Variants in ADAMTS19 observed in about 807,000 individuals in gnomAD.
ADAMTS19 encodes the protein ADAM metallopeptidase with thrombospondin type 1 motif 19, also known as A disintegrin and metalloproteinase with thrombospondin motifs 19.
Under a neutral mutation model 153.3 loss-of-function variants are expected in ADAMTS19, and 93 were observed. That is an observed-to-expected ratio of 0.61 (90% CI 0.51 to 0.72). The LOEUF (loss-of-function observed/expected upper bound fraction) is 0.72. ADAMTS19 is among the 30% of genes least tolerant of loss of function. The probability of loss-of-function intolerance (pLI) is 0.00; values close to 1 mark genes in which losing one functional copy is unlikely to be tolerated. For synonymous variants in ADAMTS19, 600 were observed against 556.6 expected (o/e 1.08, Z -1.10); for missense variants, 1,482 against 1,552.1 (o/e 0.95, Z 0.76).
Position 129,713,960 on chromosome 5 carries a change from T to G in ADAMTS19, c.3312+9569T>G, listed in dbSNP as rs1266193769. Among the ~76,000 whole-genome samples the G allele has an allele frequency of 2.0e-5, 3 of 151,854 alleles. No homozygotes were observed. In the East Asian group the frequency reaches 5.8e-4, roughly 29 times the overall value. ...CCCCTAGCCTCAAACTCCACATTTGTAAAATGTACCAAAGTAACAACAGGT... is the reference window on the plus strand; with the variant it reads ...CCCCTAGCCTCAAACTCCACATTTGGAAAATGTACCAAAGTAACAACAGGT... On this transcript the variant is annotated intron_variant, in intron 21 of 22. Coordinates refer to ENST00000274487, the MANE Select transcript of ADAMTS19 (RefSeq NM_133638.6).
intron 15 of ADAMTS19, among the ~76,000 whole-genome samples, chr5:129,665,094 C>CTTTTT (rs1242998000): frequency 7.2e-5 from 11 of 152,064 alleles, no homozygotes; most frequent in Non-Finnish European, 1.5e-4. Flanking sequence ...TTTTCTCCGG[C>CTTTTT]TATATATTCT....
rs17163154 is a variant in ADAMTS19 at position 129,665,081 on chromosome 5, A to G, written c.2426-418A>G. Reference sequence around the variant, plus strand: ...TCCAGGGATTTAGTCCAGGCCTGCTATATTTTCTCCGGCTATATATTCTTT... The same window carrying G: ...TCCAGGGATTTAGTCCAGGCCTGCTGTATTTTCTCCGGCTATATATTCTTT... On this transcript the variant is annotated intron_variant, in intron 15 of 22. Transcript: ENST00000274487. 7.9e-3 allele frequency among the ~76,000 whole-genome samples: 1,202 copies of G among 152,198 alleles called. 16 individuals carry two copies. The highest frequency in any genetic ancestry group is 0.028 in the African/African-American group (1,148 of 41,526).
At chr5:129,735,707 C>T (rs967083996) in intron 22 of ADAMTS19, among the ~76,000 whole-genome samples, 3 of 151,768 alleles carry the variant, frequency 2.0e-5, no homozygotes, top group Non-Finnish European at 2.9e-5. Context: ...TATATATATC[C>T]TCAATTTCTG....
chr5:129,690,269 G>C (rs1175182713), intron 18 of ADAMTS19, among the ~76,000 whole-genome samples: 1 of 152,182 alleles, frequency 6.6e-6, no homozygotes, highest in Admixed American at 6.5e-5. Context: ...TCGGTGCAAA[G>C]GCACCCACGT....
intron 8 of ADAMTS19, among the ~76,000 whole-genome samples, chr5:129,601,633 T>C (rs1750654302): frequency 1.3e-5 from 2 of 152,216 alleles, no homozygotes; most frequent in East Asian, 1.9e-4. Context: ...AAAAGTCACA[T>C]AGGCCAGAGT....
chr5:129,689,215 C>T (rs948021008), intron 18 of ADAMTS19, among the ~76,000 whole-genome samples: 1 of 152,130 alleles, frequency 6.6e-6, no homozygotes, highest in Non-Finnish European at 1.5e-5. Flanking sequence ...ACATTCTTCA[C>T]ACCAGTCCAA....
At chr5:129,663,416 G>A (rs372265039) in intron 15 of ADAMTS19, among the ~76,000 whole-genome samples, 15 of 152,040 alleles carry the variant, frequency 9.9e-5, no homozygotes, top group African/African-American at 2.7e-4. Context: ...CTACTAGTGC[G>A]CTGTACCATT....
At chr5:129,522,278 C>T (rs570014160) in intron 3 of ADAMTS19, among the ~76,000 whole-genome samples, 11 of 115,506 alleles carry the variant, frequency 9.5e-5, no homozygotes, top group Non-Finnish European at 1.6e-4. Flanking sequence ...CATATGTATG[C>T]GTAGTTGTAT....
rs529370417 is a variant in ADAMTS19, at chr5:129,541,166, A to C, written c.1329-10698A>C. The stretch of plus-strand genomic sequence containing the variant: ...TACTTCTAGTGTTTCTGGATGAAAT[A>C]ACTAGATTTTTTTTTTTTTTTGTAA... On this transcript the variant is annotated intron_variant, in intron 6 of 22. Coordinates refer to ENST00000274487, the MANE Select transcript of ADAMTS19 (RefSeq NM_133638.6). Among the ~76,000 whole-genome samples the C allele has an allele frequency of 1.6e-3, 231 of 142,722 alleles. 1 individual carries two copies. Among genetic ancestry groups the C allele is most frequent in the African/African-American group, 5.7e-3 (214 of 37,512 alleles). The allele number at this position is 142,722 out of a possible 152,430, so 93.6% of individuals were successfully genotyped here. A position where few individuals can be genotyped will look rare whatever the true frequency, so the allele number is the denominator to read the frequency against.
At chr5:129,592,037 T>C (rs1750161379) in intron 7 of ADAMTS19, among the ~76,000 whole-genome samples, 1 of 152,020 alleles carries the variant, frequency 6.6e-6, no homozygotes, top group Non-Finnish European at 1.5e-5. Context: ...AGTTGAGAAA[T>C]GAGAAGGCTG....
chr5:129,508,721 A>G (rs1350823832), intron 2 of ADAMTS19, among the ~76,000 whole-genome samples: 7 of 152,066 alleles, frequency 4.6e-5, no homozygotes. Context: ...CATGTATGCA[A>G]TTAAAAACTG....
At chr5:129,711,373 C>A (rs968022962) in intron 21 of ADAMTS19, among the ~76,000 whole-genome samples, 2 of 152,038 alleles carry the variant, frequency 1.3e-5, no homozygotes, top group Admixed American at 6.6e-5. Flanking sequence ...AGATCAAATA[C>A]ATATTAATCT....
Position 129,461,822 on chromosome 5 carries a change from G to C in ADAMTS19, c.747+65G>C. 6.9e-7 allele frequency: 1 copy of C among 1,455,050 alleles called. No homozygotes were observed. The highest frequency in any genetic ancestry group is 9.0e-7 in the Non-Finnish European group (1 of 1,112,436). The allele number at this position is 1,455,050 out of a possible 1,614,324, so 90.1% of individuals were successfully genotyped here. A position where few individuals can be genotyped will look rare whatever the true frequency, so the allele number is the denominator to read the frequency against. ...TGCTCCTCTCCTTGCCCATAGGTCA[G>C]GATGATTTGCATGCACCTTCTCCCC... On this transcript the variant is annotated intron_variant, in intron 2 of 22. Transcript: ENST00000274487. The surrounding 1 kb of genome is among the most constrained non-coding windows in gnomAD (Gnocchi z 4.6).
chr5:129,484,575 G>T (rs2126676717), intron 2 of ADAMTS19, among the ~76,000 whole-genome samples: 1 of 152,202 alleles, frequency 6.6e-6, no homozygotes, highest in South Asian at 2.1e-4. Flanking sequence ...TGTTCAGGTG[G>T]ATGCGTGTAG....
intron 3 of ADAMTS19, among the ~76,000 whole-genome samples, chr5:129,515,409 A>G (rs987862027): frequency 6.6e-6 from 1 of 151,880 alleles, no homozygotes; most frequent in Non-Finnish European, 1.5e-5. Flanking sequence ...AGCAATATTG[A>G]TTCTTCCAAC....
chr5:129,714,055 T>C (rs1434230409), intron 21 of ADAMTS19, among the ~76,000 whole-genome samples: 1 of 152,168 alleles, frequency 6.6e-6, no homozygotes, highest in African/African-American at 2.4e-5. Flanking sequence ...ATGTGTGTAG[T>C]CCAAGGAAAT....
chr5:129,482,656 G>C (rs943011536), intron 2 of ADAMTS19, among the ~76,000 whole-genome samples: 2 of 152,130 alleles, frequency 1.3e-5, no homozygotes, highest in African/African-American at 2.4e-5. Flanking sequence ...TTAAGCACTT[G>C]TTTATATCAC....
intron 6 of ADAMTS19, among the ~76,000 whole-genome samples, chr5:129,544,259 C>G (rs1343230172): frequency 6.6e-6 from 1 of 152,148 alleles, no homozygotes; most frequent in Non-Finnish European, 1.5e-5. Context: ...ATAATCCCCA[C>G]TTGTTGAAAG....
At chr5:129,663,242 A>T (rs25806) in intron 15 of ADAMTS19, among the ~76,000 whole-genome samples, 26 of 151,938 alleles carry the variant, frequency 1.7e-4, no homozygotes, top group Admixed American at 1.7e-3. Context: ...TTTGTTAAAA[A>T]CTATGACCAT....
Sources: gnomAD v4.1 joint callset for allele counts (sites outside exome capture counted in the v4.1 genomes callset) on GRCh38, gnomAD v4.1.1 for gene constraint, Gnocchi (gnomAD v3.1) non-coding constraint, MANE v1.5 for transcripts, NCBI Gene and HGNC (gene_info 2026-07-23, HGNC 2026-07-21) for gene names.